GALNT13: variants seen among roughly 807,000 people sequenced by gnomAD.
The protein encoded by GALNT13 is polypeptide N-acetylgalactosaminyltransferase 13.
In GALNT13, 28 loss-of-function variants were observed where a neutral mutation model predicts 64.2. That is an observed-to-expected ratio of 0.44 (90% CI 0.32 to 0.60). GALNT13 has a LOEUF of 0.60. Among genes scored for constraint, GALNT13 ranks in the 20% least tolerant of loss-of-function variants. The probability of loss-of-function intolerance (pLI) is 0.05; values close to 1 mark genes in which losing one functional copy is unlikely to be tolerated. For missense variants in GALNT13, 577 were observed against 669.8 expected, an observed-to-expected ratio of 0.86 and a Z score of 1.53; for synonymous variants, 214 against 224.6, an observed-to-expected ratio of 0.95 and a Z score of 0.42.
chr2:154,001,507 T>A (rs1251487777), intron 3 of GALNT13, among the ~76,000 whole-genome samples: 6 of 152,012 alleles, frequency 3.9e-5, no homozygotes, highest in Non-Finnish European at 7.4e-5. Context: ...TTTAAGCTGA[T>A]ACCATCTTAA....
chr2:153,487,561 C>T, the GALNT13 span, among the ~76,000 whole-genome samples: 1 of 152,144 alleles, frequency 6.6e-6, no homozygotes, highest in African/African-American at 2.4e-5. Flanking sequence ...GGAAGCAGAT[C>T]ATGCAAAAAA....
chr2:153,356,506 T>C, the GALNT13 span: 1 of 152,192 alleles, frequency 6.6e-6, no homozygotes, highest in Admixed American at 6.6e-5. Context: ...TGTTCATCAA[T>C]GACTGGCCAA....
At chr2:154,177,733 G>T (rs1278237089) in intron 4 of GALNT13, among the ~76,000 whole-genome samples, 1 of 152,100 alleles carries the variant, frequency 6.6e-6, no homozygotes, top group Non-Finnish European at 1.5e-5. Context: ...TAAAAATAAT[G>T]CTATTTAATA....
chr2:153,891,361 CTTT>C (rs1307413667), intron 1 of GALNT13, among the ~76,000 whole-genome samples: 2 of 151,562 alleles, frequency 1.3e-5, no homozygotes, highest in African/African-American at 4.8e-5. Flanking sequence ...TTCCATGTGA[CTTT>C]TTTTTTCTTC....
chr2:154,273,589 C>T (rs1345501598), intron 8 of GALNT13, among the ~76,000 whole-genome samples: 1 of 152,166 alleles, frequency 6.6e-6, no homozygotes, highest in African/African-American at 2.4e-5. Context: ...CCATAGGATA[C>T]TACTGTATTT....
At chr2:153,336,633 C>G in the GALNT13 span, among the ~76,000 whole-genome samples, 1 of 152,130 alleles carries the variant, frequency 6.6e-6, no homozygotes, top group Non-Finnish European at 1.5e-5. Context: ...TTACAGGCTC[C>G]TAGACAGAAG....
At chr2:154,450,201 A>G (rs1011777745) in intron 12 of GALNT13, among the ~76,000 whole-genome samples, 2 of 152,054 alleles carry the variant, frequency 1.3e-5, no homozygotes, top group Non-Finnish European at 2.9e-5. Context: ...TCTGCAAATA[A>G]AGGTATATTA....
intron 3 of GALNT13, among the ~76,000 whole-genome samples, chr2:154,106,389 T>A (rs1193304661): frequency 1.3e-5 from 2 of 152,114 alleles, no homozygotes; most frequent in African/African-American, 4.8e-5. Context: ...TTTATTTTCT[T>A]TTGCATATGT....
At chr2:154,061,171 C>T (rs1424676) in intron 3 of GALNT13, among the ~76,000 whole-genome samples, 56,587 of 151,904 alleles carry the variant, frequency 0.37, 11,125 homozygotes, top group East Asian at 0.74. Context: ...ACTCCATATA[C>T]TTTATTATAT....
chr2:154,256,139 A>T (rs563197442), intron 7 of GALNT13, among the ~76,000 whole-genome samples: 1 of 152,298 alleles, frequency 6.6e-6, no homozygotes, highest in African/African-American at 2.4e-5. Context: ...TTAAGCAGAG[A>T]ATCAATAATG....
chr2:154,440,448 A>T (rs1226587978), intron 12 of GALNT13, among the ~76,000 whole-genome samples: 1 of 149,974 alleles, frequency 6.7e-6, no homozygotes, highest in Non-Finnish European at 1.5e-5. Flanking sequence ...AATTTTAAGT[A>T]AAAAGTGAAA....
chr2:154,403,878 A>G (rs920305665), intron 10 of GALNT13, among the ~76,000 whole-genome samples: 1 of 152,214 alleles, frequency 6.6e-6, no homozygotes, highest in Non-Finnish European at 1.5e-5. Flanking sequence ...CCCAGACTCC[A>G]TAGAATACCT....
chr2:153,598,976 AC>A, the GALNT13 span, among the ~76,000 whole-genome samples: 1 of 151,942 alleles, frequency 6.6e-6, no homozygotes, highest in Non-Finnish European at 1.5e-5. Context: ...GTTTTTCCAT[AC>A]CCATTTCCCT....
intron 3 of GALNT13, among the ~76,000 whole-genome samples, chr2:154,087,885 A>T (rs1701613050): frequency 6.6e-6 from 1 of 152,154 alleles, no homozygotes; most frequent in South Asian, 2.1e-4. Context: ...TAACACAATT[A>T]TGAAAGCCAG....
chr2:153,502,612 G>A, the GALNT13 span, among the ~76,000 whole-genome samples: 6 of 152,152 alleles, frequency 3.9e-5, no homozygotes, highest in African/African-American at 1.2e-4. Flanking sequence ...CCTAGTAGTA[G>A]GATTGTTGGA....
the GALNT13 span, among the ~76,000 whole-genome samples, chr2:153,313,339 C>A: frequency 2.0e-5 from 3 of 152,182 alleles, no homozygotes; most frequent in South Asian, 6.2e-4. Flanking sequence ...AAATGTAGTA[C>A]ATATACACCA....
the GALNT13 span, among the ~76,000 whole-genome samples, chr2:153,655,232 A>C: frequency 6.6e-6 from 1 of 152,086 alleles, no homozygotes; most frequent in Non-Finnish European, 1.5e-5. Flanking sequence ...TCCACCCCAA[A>C]ATACTTGAGA....
the GALNT13 span, among the ~76,000 whole-genome samples, chr2:153,403,001 A>G: frequency 0.33 from 49,016 of 150,016 alleles, 8,656 homozygotes; most frequent in Non-Finnish European, 0.41. Flanking sequence ...GAGGAGAGGC[A>G]CTCTGCTTTT....
the GALNT13 span, among the ~76,000 whole-genome samples, chr2:153,828,051 A>T: frequency 6.6e-6 from 1 of 152,230 alleles, no homozygotes; most frequent in African/African-American, 2.4e-5. Flanking sequence ...ACGCTGATGC[A>T]AGAGGCAGGT....
Sources: gnomAD v4.1 joint callset for allele counts (sites outside exome capture counted in the v4.1 genomes callset) on GRCh38, gnomAD v4.1.1 for gene constraint, MANE v1.5 for transcripts, NCBI Gene and HGNC (gene_info 2026-07-23, HGNC 2026-07-21) for gene names.